Variants in ADAM11 observed in about 807,000 individuals in gnomAD.
ADAM11 encodes the protein disintegrin and metalloproteinase domain-containing protein 11.
In ADAM11, 49 loss-of-function variants were observed where a neutral mutation model predicts 119.1. That is an observed-to-expected ratio of 0.41 (90% CI 0.33 to 0.52). The LOEUF is 0.52. Ranked by LOEUF, ADAM11 falls within the 20% of genes least tolerant of loss-of-function variation. The pLI, the probability that ADAM11 is intolerant of heterozygous loss-of-function variation, is 0.20. For missense variants in ADAM11, 777 were observed against 1,047.5 expected, an observed-to-expected ratio of 0.74 and a Z score of 3.56; for synonymous variants, 364 against 408.0, an observed-to-expected ratio of 0.89 and a Z score of 1.30.
intron 4 of ADAM11, among the ~76,000 whole-genome samples, chr17:44,770,384 C>T (rs2049506507): frequency 6.6e-6 from 1 of 152,182 alleles, no homozygotes; most frequent in Non-Finnish European, 1.5e-5. Context: ...GCCCTTCTTA[C>T]TCAATATCAA....
chr17:44,759,510 G>C (rs907380553), intron 1 of ADAM11: 4 of 1,242,016 alleles, frequency 3.2e-6, no homozygotes, highest in African/African-American at 1.5e-5. Flanking sequence ...TTGGGCGGAT[G>C]GGGGGGCAGT....
At chr17:44,774,247 G>A (rs2049567486) in intron 11 of ADAM11, 48 bp from the exon 12 acceptor site, 3 of 1,295,346 alleles carry the variant, frequency 2.3e-6, no homozygotes, top group Non-Finnish European at 3.1e-6. Flanking sequence ...CACCCGGGGA[G>A]CCACAGGGGA....
rs867255965 is a variant in ADAM11, at chr17:44,780,281, G to A, written c.*527G>A. ...TGTTTTGACATTTACAGGAGGGCCCGGAGAAACTGAGGTATGGCCATGCCC... is the reference window on the plus strand; with the variant it reads ...TGTTTTGACATTTACAGGAGGGCCCAGAGAAACTGAGGTATGGCCATGCCC... On this transcript the variant is annotated 3_prime_UTR_variant, in exon 27 of 27. Transcript: ENST00000200557. 1.5e-4 allele frequency: 63 copies of A among 406,736 alleles called. No individual in the cohort carries two copies. The highest frequency in any genetic ancestry group is 1.5e-3 in the Middle Eastern group (2 of 1,374). The allele number at this position is 406,736 out of a possible 1,614,324, so 25.2% of individuals were successfully genotyped here. A position where few individuals can be genotyped will look rare whatever the true frequency, so the allele number is the denominator to read the frequency against.
Position 44,780,333 on chromosome 17 carries a change from C to G in ADAM11, c.*579C>G, listed in dbSNP as rs2049675806. ...AGACCCTCCCCAAGGATGACCACACCCGAAGTCCTGTCACTGAGCACAGTC... is the reference window on the plus strand; with the variant it reads ...AGACCCTCCCCAAGGATGACCACACGCGAAGTCCTGTCACTGAGCACAGTC... On this transcript the variant is annotated 3_prime_UTR_variant, in exon 27 of 27. Transcript: ENST00000200557. 2.8e-6 allele frequency: 1 copy of G among 356,388 alleles called. No homozygotes were observed. Among genetic ancestry groups the G allele is most frequent in the African/African-American group, 2.1e-5 (1 of 46,520 alleles). 22.1% of individuals were successfully genotyped at this position (356,388 alleles called of 1,614,324 possible). A position where few individuals can be genotyped will look rare whatever the true frequency, so the allele number is the denominator to read the frequency against.
intron 4 of ADAM11, 70 bp from the exon 5 acceptor site, chr17:44,771,514 A>G (rs2049523804): frequency 1.3e-6 from 2 of 1,499,456 alleles, no homozygotes; most frequent in Non-Finnish European, 1.8e-6. Flanking sequence ...GTGTCCCCCA[A>G]AAAGCCTTGA....
In ADAM11 at chr17:44,777,166, C is replaced by T. The variant is rs369212131; in HGVS notation, c.1682C>T (p.Ala561Val). 3.7e-5 allele frequency: 59 copies of T among 1,597,444 alleles called. No individual in the cohort carries two copies. The highest frequency in any genetic ancestry group is 1.1e-4 in the East Asian group (5 of 44,710). The change falls in exon 21 of 27, where the codon GCG (alanine) becomes GTG (valine). Residue 561 changes from alanine to valine, a missense_variant and splice_region_variant. By Grantham distance (64) the Ala-to-Val change is moderately conservative. This residue lies in a region of ADAM11 where 348 missense variants were observed against 486.7 expected (regional missense o/e 0.72). Transcript: ENST00000200557. This position sits in a 1 kb window ranked among gnomAD's most constrained non-coding sequence, Gnocchi z 5.1. ...DRQCQVLWGHAAADRFCYEKL... is the reference protein window; with the variant it reads ...DRQCQVLWGHVAADRFCYEKL... ...GTCACTTGGCATCCTCTCCCCACAG[C>T]GGCTGCTGATCGCTTCTGCTACGAG...
At chr17:44,767,653 C>G (rs1268200403) in intron 2 of ADAM11, among the ~76,000 whole-genome samples, 1 of 152,234 alleles carries the variant, frequency 6.6e-6, no homozygotes, top group Non-Finnish European at 1.5e-5. Context: ...CCAGGCCCAG[C>G]CCCCAGCCCC....
intron 2 of ADAM11, 126 bp from the exon 3 acceptor site, chr17:44,769,592 A>C: frequency 1.5e-6 from 1 of 683,390 alleles, no homozygotes; most frequent in African/African-American, 1.8e-5. Context: ...CCCCCAAATC[A>C]ATGGTCCCCT....
At chr17:44,766,120 C>T (rs1194131886) in intron 2 of ADAM11, among the ~76,000 whole-genome samples, 1 of 152,180 alleles carries the variant, frequency 6.6e-6, no homozygotes, top group Non-Finnish European at 1.5e-5. Flanking sequence ...CTACTGTGTG[C>T]TTAAAGGCCC....
chr17:44,770,165 C>A, intron 4 of ADAM11, 117 bp downstream of exon 4: 2 of 1,228,924 alleles, frequency 1.6e-6, no homozygotes, highest in South Asian at 2.7e-5. Context: ...TGGGCCTGGC[C>A]CCTCAGCACC....
Position 44,773,437 on chromosome 17 carries a change from C to T in ADAM11, c.992+10C>T, listed in dbSNP as rs1313799662. The T allele has an allele frequency of 6.2e-7, 1 of 1,609,482 alleles. No individual in the cohort carries two copies. Among genetic ancestry groups the T allele is most frequent in the South Asian group, 1.1e-5 (1 of 91,000 alleles). The stretch of plus-strand genomic sequence containing the variant: ...CCACCCACCTCTTCTCGTGAGTCCC[C>T]CACCCTGCACCTCCTGCCAGCCTCT... On this transcript the variant is annotated intron_variant, in intron 11 of 26. Transcript: ENST00000200557. The surrounding 1 kb of genome is among the most constrained non-coding windows in gnomAD (Gnocchi z 4.6).
chr17:44,773,290 C>T lies in ADAM11; in HGVS notation c.855C>T (p.Ile285=), dbSNP rs138190338. ...ACAAGGAGCAGCTCAACACTCGCATCGTCCTGGTTGCCATGGAAACATGGG... is the reference window on the plus strand; with the variant it reads ...ACAAGGAGCAGCTCAACACTCGCATTGTCCTGGTTGCCATGGAAACATGGG... ...VIYKEQLNTR[I]VLVAMETWAD... Residue 285 remains isoleucine, a synonymous_variant, in exon 11 of 27, where the codon ATC becomes ATT. Transcript: ENST00000200557. This position sits in a 1 kb window ranked among gnomAD's most constrained non-coding sequence, Gnocchi z 4.6. 1.1e-5 allele frequency: 18 copies of T among 1,613,828 alleles called. No homozygotes were observed. In the Middle Eastern group the frequency reaches 4.9e-4, roughly 44 times the overall value.
Position 44,772,406 on chromosome 17 carries a change from G to A in ADAM11, c.618G>A (p.Leu206=), listed in dbSNP as rs2049537273. The change falls in exon 8 of 27, where the codon CTG becomes CTA. Residue 206 remains leucine, a synonymous_variant. Coordinates refer to ENST00000200557, the MANE Select transcript of ADAM11 (RefSeq NM_002390.6). The surrounding 1 kb of genome is among the most constrained non-coding windows in gnomAD (Gnocchi z 4.5). ...ACCTGCCCCTCCCCACAGGCTGCCT[G>A]TTTGCTGTGCCTGCCCAGTCGGCTC... ...DPLGCREPGC[L]FAVPAQSAPP... 3 of 1,579,358 alleles carry A rather than the reference G, an allele frequency of 1.9e-6. No individual in the cohort carries two copies. The South Asian group carries it at 3.4e-5, about 18-fold the overall frequency.
chr17:44,774,573 A>C lies in ADAM11; in HGVS notation c.1159A>C (p.Ser387Arg). 1.9e-6 allele frequency: 3 copies of C among 1,613,032 alleles called. No individual in the cohort carries two copies. The highest frequency in any genetic ancestry group is 2.5e-6 in the Non-Finnish European group (3 of 1,179,586). ...NLGMMWNKHRSSAGDCKCPDI... is the reference protein window; with the variant it reads ...NLGMMWNKHRRSAGDCKCPDI... ...GGGCATGATGTGGAACAAACACCGG[A>C]GCTCGGCAGGTATCCTCCCCCAGAG... Residue 387 changes from serine (S) to arginine (R), a missense_variant, in exon 13 of 27, where the codon AGC becomes CGC. Ser to Arg is a moderately radical substitution (Grantham distance 110). Coordinates refer to ENST00000200557, the MANE Select transcript of ADAM11 (RefSeq NM_002390.6).
At position 44,779,938 on chromosome 17, in the gene ADAM11, C is replaced by T; in HGVS notation, c.*184C>T. On this transcript the variant is annotated 3_prime_UTR_variant, in exon 27 of 27. Coordinates refer to ENST00000200557, the MANE Select transcript of ADAM11 (RefSeq NM_002390.6). The stretch of plus-strand genomic sequence containing the variant: ...CTGCCCTTGGCACCACCAGGGTGGA[C>T]CAGGCCTGGAGGGCACTTCCTCCAC... 1 of 885,452 alleles carries T rather than the reference C, an allele frequency of 1.1e-6. No homozygotes were observed. Among genetic ancestry groups the T allele is most frequent in the African/African-American group, 1.6e-5 (1 of 60,702 alleles). The allele number at this position is 885,452 out of a possible 1,614,324, so 54.8% of individuals were successfully genotyped here. A position where few individuals can be genotyped will look rare whatever the true frequency, so the allele number is the denominator to read the frequency against.
At chr17:44,766,670 A>ATT (rs1424519249) in intron 2 of ADAM11, among the ~76,000 whole-genome samples, 4 of 152,204 alleles carry the variant, frequency 2.6e-5, no homozygotes, top group Admixed American at 1.3e-4. Flanking sequence ...TCATCCTGGC[A>ATT]TTTGTAAAAT....
chr17:44,770,500 GC>G (rs796255103), intron 4 of ADAM11, among the ~76,000 whole-genome samples: 4,122 of 20,944 alleles, frequency 0.2, 328 homozygotes, highest in African/African-American at 0.28. Flanking sequence ...CCCCCCCCCC[GC>G]CCCCACTGCC....
intron 2 of ADAM11, among the ~76,000 whole-genome samples, chr17:44,765,590 T>C (rs1016088560): frequency 5.3e-5 from 8 of 150,078 alleles, no homozygotes; most frequent in African/African-American, 2.0e-4. Context: ...ACAGCAATCC[T>C]GGTTTTTCTT....
At chr17:44,761,830 A>ATG (rs963166925) in intron 2 of ADAM11, among the ~76,000 whole-genome samples, 19 of 151,778 alleles carry the variant, frequency 1.3e-4, no homozygotes, top group Middle Eastern at 3.4e-3. Context: ...TTGTGTGTTT[A>ATG]TGTGTGTGTG....
Sources: gnomAD v4.1 joint callset for allele counts (sites outside exome capture counted in the v4.1 genomes callset) on GRCh38, gnomAD v4.1.1 for gene constraint, gnomAD v4.1.1 regional missense constraint, Gnocchi (gnomAD v3.1) non-coding constraint, MANE v1.5 for transcripts, NCBI Gene and HGNC (gene_info 2026-07-23, HGNC 2026-07-21) for gene names.